Variants in MAGEB10 observed in about 807,000 individuals in gnomAD.
The protein encoded by MAGEB10 is melanoma-associated antigen B10.
For missense variants in MAGEB10, 190 were observed against 261.9 expected (o/e 0.73, Z 1.89); for synonymous variants, 99 against 101.0 (o/e 0.98, Z 0.12).
At chrX:27,814,586 A>C (rs1270297006) in intron 1 of MAGEB10, among the ~76,000 whole-genome samples, 1 of 111,946 alleles carries the variant, frequency 8.9e-6, no homozygotes, top group Non-Finnish European at 1.9e-5. Flanking sequence ...AGATTTCAAT[A>C]GGGCCTGGGG....
intron 1 of MAGEB10, among the ~76,000 whole-genome samples, chrX:27,813,355 G>A (rs2147393421): frequency 8.9e-6 from 1 of 112,181 alleles, no homozygotes; most frequent in African/African-American, 3.2e-5. Flanking sequence ...GTAAAATTAA[G>A]AGATAGATAC....
At chrX:27,810,600 G>T (rs1445500595) in intron 1 of MAGEB10, among the ~76,000 whole-genome samples, 1 of 111,237 alleles carries the variant, frequency 9.0e-6, no homozygotes, top group Non-Finnish European at 1.9e-5. Context: ...TCTGGTGGTG[G>T]TCGTGGGGAA....
chrX:27,808,930 C>T (rs918081724), intron 1 of MAGEB10, among the ~76,000 whole-genome samples: 2 of 112,482 alleles, frequency 1.8e-5, no homozygotes, highest in African/African-American at 6.5e-5. Context: ...CGGTGTCTGC[C>T]TCGGGCAGCA....
At chrX:27,815,055 G>T (rs760519447) in intron 1 of MAGEB10, among the ~76,000 whole-genome samples, 1 of 111,661 alleles carries the variant, frequency 9.0e-6, no homozygotes, top group Non-Finnish European at 1.9e-5. Flanking sequence ...TTCTTTGGGA[G>T]CTGATTTTGC....
At chrX:27,810,754 T>A (rs1923665330) in intron 1 of MAGEB10, among the ~76,000 whole-genome samples, 1 of 102,467 alleles carries the variant, frequency 9.8e-6, no homozygotes, top group Non-Finnish European at 2.0e-5. Flanking sequence ...ACCACTACTA[T>A]GAGCCTTGGT....
rs1923890736 is a variant in MAGEB10, at chrX:27,821,602, A to T, written c.296A>T (p.Asp99Val). Reference protein sequence around the residue: ...QMEERPICTQDLEATDSFPRG... With the variant: ...QMEERPICTQVLEATDSFPRG... ...GAAGAAAGGCCAATATGCACACAAG[A>T]TCTAGAAGCCACTGATAGCTTTCCC... Residue 99 changes from aspartate to valine, a missense_variant, in exon 3 of 3, where the codon GAT becomes GTT. Coordinates refer to ENST00000356790, the MANE Select transcript of MAGEB10 (RefSeq NM_182506.3). 4 of 1,210,795 alleles carry T rather than the reference A, an allele frequency of 3.3e-6. No homozygotes were observed. Among genetic ancestry groups the T allele is most frequent in the Non-Finnish European group, 4.5e-6 (4 of 894,950 alleles).
intron 1 of MAGEB10, chrX:27,812,706 C>T: frequency 5.5e-6 from 2 of 361,241 alleles, no homozygotes; most frequent in Admixed American, 2.6e-5. Flanking sequence ...ATTCCTGTGG[C>T]GTCCACGAGC....
chrX:27,810,087 T>G (rs958257348), intron 1 of MAGEB10, among the ~76,000 whole-genome samples: 1 of 111,322 alleles, frequency 9.0e-6, no homozygotes, highest in African/African-American at 3.3e-5. Flanking sequence ...AGGATGTGGG[T>G]GGGGCCAGAT....
At chrX:27,813,500 A>G (rs991783576) in intron 1 of MAGEB10, among the ~76,000 whole-genome samples, 2 of 112,081 alleles carry the variant, frequency 1.8e-5, no homozygotes, top group African/African-American at 6.5e-5. Context: ...CCATGCTGGT[A>G]CTGGGAATGT....
intron 1 of MAGEB10, 142 bp from the exon 2 acceptor site, chrX:27,817,412 T>A (rs1407953217): frequency 2.7e-5 from 3 of 111,607 alleles, no homozygotes; most frequent in Non-Finnish European, 3.8e-5. Context: ...CCACATTTTT[T>A]AAATCCTGCA....
At chrX:27,810,249 C>T (rs1316775410) in intron 1 of MAGEB10, among the ~76,000 whole-genome samples, 10 of 111,797 alleles carry the variant, frequency 8.9e-5, no homozygotes, top group Admixed American at 1.9e-4. Context: ...TGTAACACCA[C>T]GAGCGAAGGT....
intron 2 of MAGEB10, among the ~76,000 whole-genome samples, chrX:27,818,465 G>T (rs1321844600): frequency 9.0e-6 from 1 of 111,397 alleles, no homozygotes; most frequent in East Asian, 2.9e-4. Flanking sequence ...GATTCAAGGA[G>T]GGGGGAATTG....
In MAGEB10 at chrX:27,822,265, C is replaced by T; in HGVS notation, c.959C>T (p.Ala320Val). 8.3e-7 allele frequency: 1 copy of T among 1,211,516 alleles called. No homozygotes were observed. Among genetic ancestry groups the T allele is most frequent in the Non-Finnish European group, 1.1e-6 (1 of 895,441 alleles). ...ALQDEEERAR[A>V]RVAAKARVSA... ...CAAGATGAGGAAGAGAGAGCCAGAG[C>T]CAGAGTTGCAGCCAAGGCTCGCGTT... The change falls in exon 3 of 3, where the codon GCC (alanine) becomes GTC (valine). Residue 320 changes from alanine to valine, a missense_variant. Coordinates refer to ENST00000356790, the MANE Select transcript of MAGEB10 (RefSeq NM_182506.3).
At chrX:27,815,461 C>T (rs780639608) in intron 1 of MAGEB10, among the ~76,000 whole-genome samples, 1 of 112,121 alleles carries the variant, frequency 8.9e-6, no homozygotes, top group Admixed American at 9.4e-5. Context: ...AGACTTGGAA[C>T]AGAATCTAAC....
At chrX:27,819,857 G>A (rs777292362) in intron 2 of MAGEB10, among the ~76,000 whole-genome samples, 1 of 111,394 alleles carries the variant, frequency 9.0e-6, no homozygotes, top group Non-Finnish European at 1.9e-5. Context: ...TTAAAAAACT[G>A]GTGCCAGAGG....
rs186633974 is a variant in MAGEB10, at chrX:27,818,284, G to C, written c.-50+582G>C. Among the ~76,000 whole-genome samples the C allele has an allele frequency of 3.6e-5, 4 of 111,165 alleles. No individual in the cohort carries two copies. The East Asian group carries it at 1.1e-3, about 32-fold the overall frequency. On this transcript the variant is annotated intron_variant, in intron 2 of 2. Coordinates refer to ENST00000356790, the MANE Select transcript of MAGEB10 (RefSeq NM_182506.3). ...ACCCTTTCCAGTGTAGCAGGGTTGA[G>C]AGCTGTCTTGATGCCTATAAGAAAG...
At chrX:27,808,164 G>A (rs1923583286) in intron 1 of MAGEB10, 128 bp downstream of exon 1, 1 of 112,608 alleles carries the variant, frequency 8.9e-6, no homozygotes, top group Admixed American at 9.3e-5. Context: ...ATCGCACTCT[G>A]CATTATTCTT....
In MAGEB10 at chrX:27,808,000, T is replaced by C. The variant is rs1312444982; in HGVS notation, c.-235T>C. On this transcript the variant is annotated 5_prime_UTR_variant, in exon 1 of 3. Coordinates refer to ENST00000356790, the MANE Select transcript of MAGEB10 (RefSeq NM_182506.3). Reference sequence around the variant, plus strand: ...GCCTTGCAGTGAGGCGATTGGTATCTGGTCAGCAGAGAAAGGCATCCAGGC... The same window carrying C: ...GCCTTGCAGTGAGGCGATTGGTATCCGGTCAGCAGAGAAAGGCATCCAGGC... 8.9e-6 allele frequency: 1 copy of C among 112,220 alleles called. No individual in the cohort carries two copies. The highest frequency in any genetic ancestry group is 1.9e-5 in the Non-Finnish European group (1 of 53,133). 9.2% of individuals were successfully genotyped at this position (112,220 alleles called of 1,213,427 possible).
intron 1 of MAGEB10, among the ~76,000 whole-genome samples, chrX:27,816,846 A>G (rs1266515536): frequency 1.8e-5 from 2 of 111,674 alleles, no homozygotes; most frequent in African/African-American, 6.5e-5. Context: ...TTGAGCTTTT[A>G]CTATTATAAT....
Sources: gnomAD v4.1 joint callset for allele counts (sites outside exome capture counted in the v4.1 genomes callset) on GRCh38, gnomAD v4.1.1 for gene constraint, MANE v1.5 for transcripts, NCBI Gene and HGNC (gene_info 2026-07-23, HGNC 2026-07-21) for gene names.